ANO3: variants seen among roughly 807,000 people sequenced by gnomAD.
ANO3 encodes anoctamin 3.
ANO3 carries 99 observed loss-of-function variants against 144.8 expected under a neutral mutation model. That is an observed-to-expected ratio of 0.68 (90% confidence interval 0.58 to 0.81). ANO3 has a LOEUF of 0.81. ANO3 is among the 30% of genes least tolerant of loss of function. The pLI is 0.00. For synonymous variants in ANO3, 414 were observed against 392.6 expected (o/e 1.05, Z -0.64); for missense variants, 905 against 1,202.2 (o/e 0.75, Z 3.66).
chr11:26,253,887 A>C (rs988829594), intron 1 of ANO3, among the ~76,000 whole-genome samples: 11 of 152,162 alleles, frequency 7.2e-5, no homozygotes, highest in Non-Finnish European at 1.2e-4. Context: ...CCTCTGGCAC[A>C]AACTGATTAT....
At chr11:26,307,124 G>A (rs909678008), upstream of ANO3, among the ~76,000 whole-genome samples, 5 of 152,112 alleles carry the variant, frequency 3.3e-5, no homozygotes, top group African/African-American at 1.2e-4. Flanking sequence ...GGGAGGCCGA[G>A]GCAGGCGGAT....
At chr11:26,339,218 G>C (rs192567986) in intron 1 of ANO3, among the ~76,000 whole-genome samples, 1 of 151,064 alleles carries the variant, frequency 6.6e-6, no homozygotes, top group Non-Finnish European at 1.5e-5. Flanking sequence ...GCAGTGGCAC[G>C]ATCTCGGCTC....
intron 1 of ANO3, among the ~76,000 whole-genome samples, chr11:26,190,112 A>G (rs1351744618): frequency 6.6e-6 from 1 of 152,178 alleles, no homozygotes; most frequent in Non-Finnish European, 1.5e-5. Flanking sequence ...CCTTCCTTAT[A>G]AAATAAGGCG....
intron 18 of ANO3, 34 bp from the exon 19 acceptor site, chr11:26,634,170 T>A (rs1200196700): frequency 2.2e-6 from 3 of 1,379,972 alleles, no homozygotes; most frequent in Non-Finnish European, 3.1e-6. Context: ...TCACCTCACC[T>A]CACCTGTGTC....
chr11:26,198,530 A>G (rs985570414), intron 1 of ANO3, among the ~76,000 whole-genome samples: 5 of 152,224 alleles, frequency 3.3e-5, no homozygotes, highest in Admixed American at 1.3e-4. Flanking sequence ...GAAATTATAA[A>G]GAAAGACAGA....
At chr11:26,658,368 C>T (rs974723545) in intron 26 of ANO3, among the ~76,000 whole-genome samples, 9 of 152,122 alleles carry the variant, frequency 5.9e-5, no homozygotes, top group African/African-American at 1.9e-4. Context: ...AATCCCAGAA[C>T]TTTGGGAGGC....
chr11:26,483,044 A>AT (rs148807054), intron 4 of ANO3, among the ~76,000 whole-genome samples: 2,482 of 151,212 alleles, frequency 0.016, 60 homozygotes, highest in African/African-American at 0.057. Context: ...TAGTGCAGGT[A>AT]TTTTTTTTTC....
intron 14 of ANO3, among the ~76,000 whole-genome samples, chr11:26,593,348 T>C (rs911265072): frequency 2.0e-5 from 3 of 152,046 alleles, no homozygotes; most frequent in Non-Finnish European, 4.4e-5. Context: ...GAAAGGCATG[T>C]GAAAAGAGTA....
chr11:26,631,341 T>C (rs993833343), intron 18 of ANO3, among the ~76,000 whole-genome samples: 3 of 152,000 alleles, frequency 2.0e-5, no homozygotes, highest in Admixed American at 6.5e-5. Flanking sequence ...GTAGCTTCTT[T>C]GAAGGAAAAA....
At chr11:26,209,330 T>G (rs1419057447) in intron 1 of ANO3, among the ~76,000 whole-genome samples, 1 of 152,214 alleles carries the variant, frequency 6.6e-6, no homozygotes, top group East Asian at 1.9e-4. Context: ...GAACTCATCT[T>G]TTTTATGGCT....
At chr11:26,527,170 C>T (rs1043832880) in intron 7 of ANO3, among the ~76,000 whole-genome samples, 3 of 151,962 alleles carry the variant, frequency 2.0e-5, no homozygotes, top group East Asian at 1.9e-4. Flanking sequence ...ATGGCAAATG[C>T]GTATACTAAA....
At chr11:26,418,546 C>T (rs12279935) in intron 1 of ANO3, among the ~76,000 whole-genome samples, 17,026 of 151,964 alleles carry the variant, frequency 0.11, 1,743 homozygotes, top group African/African-American at 0.28. Context: ...CCCTTAGCAA[C>T]AGTGTAAACA....
chr11:26,301,350 T>C (rs1045966453), intron 1 of ANO3, among the ~76,000 whole-genome samples: 8 of 152,232 alleles, frequency 5.3e-5, no homozygotes, highest in African/African-American at 1.9e-4. Context: ...GTCTGTAGTT[T>C]CTTAGCTTAT....
chr11:26,415,791 C>T (rs1349118662), intron 1 of ANO3, among the ~76,000 whole-genome samples: 1 of 152,034 alleles, frequency 6.6e-6, no homozygotes, highest in African/African-American at 2.4e-5. Context: ...TAAATCTCTG[C>T]ACAATGTGAA....
At chr11:26,531,389 G>A (rs1297410386) in intron 8 of ANO3, 53 bp downstream of exon 8, 20 of 1,537,848 alleles carry the variant, frequency 1.3e-5, no homozygotes, top group Middle Eastern at 3.5e-4. Flanking sequence ...GGTGGGGCTT[G>A]TTTATAGAAT....
chr11:26,230,977 C>T (rs1284097914), intron 1 of ANO3, among the ~76,000 whole-genome samples: 2 of 148,882 alleles, frequency 1.3e-5, no homozygotes, highest in Non-Finnish European at 3.0e-5. Flanking sequence ...CTCCTGTGTT[C>T]CAGTGATTCT....
chr11:26,277,006 G>A (rs1489234928), intron 1 of ANO3, among the ~76,000 whole-genome samples: 1 of 152,002 alleles, frequency 6.6e-6, no homozygotes, highest in African/African-American at 2.4e-5. Flanking sequence ...CACAGCACGC[G>A]GTAAGCTTGC....
At chr11:26,575,434 T>A (rs1327660354) in intron 14 of ANO3, among the ~76,000 whole-genome samples, 1 of 151,938 alleles carries the variant, frequency 6.6e-6, no homozygotes, top group African/African-American at 2.4e-5. Context: ...ATTAGAAATA[T>A]TTTGAAGTAG....
At chr11:26,424,880 T>TTA (rs1857873211) in intron 1 of ANO3, among the ~76,000 whole-genome samples, 1 of 149,854 alleles carries the variant, frequency 6.7e-6, no homozygotes, top group African/African-American at 2.5e-5. Context: ...AAATAGTATT[T>TTA]TATACATATA....
Sources: gnomAD v4.1 joint callset for allele counts (sites outside exome capture counted in the v4.1 genomes callset) on GRCh38, gnomAD v4.1.1 for gene constraint, MANE v1.5 for transcripts, NCBI Gene and HGNC (gene_info 2026-07-23, HGNC 2026-07-21) for gene names.